The following CXCL13 variants were observed in gnomAD, a reference collection of about 807,000 sequenced individuals.
CXCL13 encodes C-X-C motif chemokine 13.
CXCL13 carries 7 observed loss-of-function variants against 12.2 expected under a neutral mutation model. The observed-to-expected ratio is 0.57, with a 90% CI of 0.33 to 1.07. CXCL13 has a LOEUF of 1.07. Ranked by LOEUF, CXCL13 falls within the 50% of genes least tolerant of loss-of-function variation. The pLI is 0.04. For missense variants in CXCL13, 113 were observed against 127.4 expected, an observed-to-expected ratio of 0.89 and a Z score of 0.55; for synonymous variants, 47 against 42.4, an observed-to-expected ratio of 1.11 and a Z score of -0.42.
intron 1 of CXCL13, among the ~76,000 whole-genome samples, chr4:77,550,699 T>C (rs371095041): frequency 6.6e-6 from 1 of 152,242 alleles, no homozygotes; most frequent in African/African-American, 2.4e-5. Flanking sequence ...ATTTGTCTGA[T>C]GCTGTCAGTA....
intron 1 of CXCL13, among the ~76,000 whole-genome samples, chr4:77,537,814 A>G (rs747896579): frequency 3.3e-5 from 5 of 152,094 alleles, no homozygotes; most frequent in Non-Finnish European, 7.4e-5. Context: ...TATGGATCCT[A>G]GGGTAGACAT....
At chr4:77,593,244 A>G (rs2109831965) in intron 1 of CXCL13, among the ~76,000 whole-genome samples, 1 of 152,354 alleles carries the variant, frequency 6.6e-6, no homozygotes, top group African/African-American at 2.4e-5. Context: ...TCACTTTCTG[A>G]CAAAACGAAA....
chr4:77,599,559 G>A (rs1726847987), intron 1 of CXCL13, among the ~76,000 whole-genome samples: 1 of 152,184 alleles, frequency 6.6e-6, no homozygotes, highest in Admixed American at 6.5e-5. Flanking sequence ...GGAGTACTTG[G>A]AGAAGATATT....
At chr4:77,542,657 G>A (rs532981857) in intron 1 of CXCL13, among the ~76,000 whole-genome samples, 5 of 152,244 alleles carry the variant, frequency 3.3e-5, no homozygotes, top group African/African-American at 9.6e-5. Flanking sequence ...TTTACGTGGT[G>A]AATCACATTT....
At chr4:77,586,565 G>A (rs115849964) in intron 1 of CXCL13, among the ~76,000 whole-genome samples, 200 of 152,276 alleles carry the variant, frequency 1.3e-3, no homozygotes, top group Non-Finnish European at 2.4e-3. Flanking sequence ...AAGAGCAAGC[G>A]CCTTGGGCAA....
intron 1 of CXCL13, among the ~76,000 whole-genome samples, chr4:77,545,500 T>C (rs1725338674): frequency 6.6e-6 from 1 of 152,206 alleles, no homozygotes; most frequent in Admixed American, 6.5e-5. Flanking sequence ...TTTTATTCTC[T>C]TTGAAGCAAT....
At chr4:77,537,356 C>T (rs376666787) in intron 1 of CXCL13, among the ~76,000 whole-genome samples, 3 of 152,134 alleles carry the variant, frequency 2.0e-5, no homozygotes, top group East Asian at 1.9e-4. Context: ...AAGGAGCAAG[C>T]CAGGGGAAAT....
rs1727120570 is a variant in CXCL13, at chr4:77,610,561, A to G, written c.198-53A>G. 2.3e-6 allele frequency: 3 copies of G among 1,317,474 alleles called. No individual in the cohort carries two copies. In the South Asian group the frequency reaches 3.6e-5, roughly 16 times the overall value. The allele number at this position is 1,317,474 out of a possible 1,614,324, so 81.6% of individuals were successfully genotyped here. On this transcript the variant is annotated intron_variant, in intron 2 of 3. Coordinates refer to ENST00000682537, the MANE Select transcript of CXCL13 (RefSeq NM_001371558.1). ...CCAAACTCTTTTCTTTATTAAAAGTATAGGATTGACTAAAATGTAAGACTG... is the reference window on the plus strand; with the variant it reads ...CCAAACTCTTTTCTTTATTAAAAGTGTAGGATTGACTAAAATGTAAGACTG...
intron 1 of CXCL13, among the ~76,000 whole-genome samples, chr4:77,573,973 G>C (rs1477563840): frequency 1.3e-5 from 2 of 152,042 alleles, no homozygotes; most frequent in East Asian, 3.9e-4. Flanking sequence ...ATAACCTTAA[G>C]GCTTATTGGC....
At chr4:77,602,294 C>A (rs1342453999), upstream of CXCL13, among the ~76,000 whole-genome samples, 1 of 152,206 alleles carries the variant, frequency 6.6e-6, no homozygotes, top group Non-Finnish European at 1.5e-5. Flanking sequence ...CTGACATCTA[C>A]AGTGGATGTG....
chr4:77,557,505 G>A (rs577431032), intron 1 of CXCL13, among the ~76,000 whole-genome samples: 26 of 152,248 alleles, frequency 1.7e-4, no homozygotes, highest in African/African-American at 6.3e-4. Flanking sequence ...ACCCTTCTTG[G>A]CTGCCCTTCT....
intron 1 of CXCL13, among the ~76,000 whole-genome samples, chr4:77,519,708 C>T (rs1724527611): frequency 6.6e-6 from 1 of 152,132 alleles, no homozygotes; most frequent in Non-Finnish European, 1.5e-5. Flanking sequence ...TGCAGAAGAT[C>T]TTTAGTTTAA....
intron 1 of CXCL13, among the ~76,000 whole-genome samples, chr4:77,590,051 A>G (rs562892762): frequency 6.6e-6 from 1 of 152,266 alleles, no homozygotes; most frequent in Admixed American, 6.5e-5. Context: ...CCTATTGATC[A>G]TTTTTATTAA....
intron 1 of CXCL13, among the ~76,000 whole-genome samples, chr4:77,547,434 T>C (rs1725392845): frequency 6.6e-6 from 1 of 152,178 alleles, no homozygotes; most frequent in Non-Finnish European, 1.5e-5. Flanking sequence ...TGCATATATA[T>C]AGTTAGGATA....
At chr4:77,520,036 G>A (rs912107739) in intron 1 of CXCL13, among the ~76,000 whole-genome samples, 11 of 152,212 alleles carry the variant, frequency 7.2e-5, no homozygotes, top group African/African-American at 2.2e-4. Flanking sequence ...GATGTGTGGT[G>A]TTATTTCTGA....
chr4:77,532,583 A>G (rs1724955264), intron 1 of CXCL13, among the ~76,000 whole-genome samples: 1 of 152,082 alleles, frequency 6.6e-6, no homozygotes, highest in Non-Finnish European at 1.5e-5. Flanking sequence ...CTGAATTTGA[A>G]TGTTGGCCTG....
Position 77,550,226 on chromosome 4 carries a change from G to T in CXCL13, c.-43+38438G>T, listed in dbSNP as rs201163303. On this transcript the variant is annotated intron_variant, in intron 1 of 4. Coordinates refer to the CXCL13 transcript ENST00000286758. ...CATGTTATTAGGGCAGGAGTGTCCTGGTTTTCCAGGTATGGTCTGTCATGG... is the reference window on the plus strand; with the variant it reads ...CATGTTATTAGGGCAGGAGTGTCCTTGTTTTCCAGGTATGGTCTGTCATGG... Among the ~76,000 whole-genome samples the T allele has an allele frequency of 8.5e-5, 13 of 152,272 alleles. No individual in the cohort carries two copies. The East Asian group carries it at 2.5e-3, about 29-fold the overall frequency.
At chr4:77,528,172 T>G (rs1029957042) in intron 1 of CXCL13, among the ~76,000 whole-genome samples, 9 of 152,226 alleles carry the variant, frequency 5.9e-5, no homozygotes, top group Admixed American at 1.3e-4. Context: ...CTTAATCCAG[T>G]CTATCATTGT....
chr4:77,550,446 G>T (rs552733419), intron 1 of CXCL13, among the ~76,000 whole-genome samples: 1 of 152,154 alleles, frequency 6.6e-6, no homozygotes, highest in African/African-American at 2.4e-5. Flanking sequence ...AGCTGTAGAC[G>T]GGAGCTGTAG....
Sources: allele counts gnomAD v4.1 joint callset (sites outside exome capture counted in the v4.1 genomes callset), GRCh38; gene constraint gnomAD v4.1.1; transcripts MANE v1.5; gene names NCBI Gene and HGNC (gene_info 2026-07-23, HGNC 2026-07-21).